The following HORMAD2 variants were observed in gnomAD, a reference collection of about 807,000 sequenced individuals.
HORMAD2 encodes the protein HORMA domain containing 2.
Under a neutral mutation model 38.8 loss-of-function variants are expected in HORMAD2, and 45 were observed. The ratio of observed to expected loss-of-function variants is 1.16; its 90% confidence interval spans 0.91 to 1.49. HORMAD2 has a LOEUF of 1.49. HORMAD2 is among the 40% of genes most tolerant of loss of function. The pLI is 0.00. For missense variants in HORMAD2, 338 were observed against 367.0 expected, an observed-to-expected ratio of 0.92 and a Z score of 0.65; for synonymous variants, 126 against 122.8, an observed-to-expected ratio of 1.03 and a Z score of -0.17.
At chr22:30,149,698 C>T (rs938301730) in intron 10 of HORMAD2, among the ~76,000 whole-genome samples, 5 of 152,152 alleles carry the variant, frequency 3.3e-5, no homozygotes, top group Admixed American at 2.0e-4. Flanking sequence ...TGGTTTCCTC[C>T]CTCATTTTAG....
intron 2 of HORMAD2, 57 bp downstream of exon 2, chr22:30,094,060 T>C: frequency 8.1e-7 from 1 of 1,231,534 alleles, no homozygotes; most frequent in Non-Finnish European, 1.2e-6. Flanking sequence ...AGTTCAGAAT[T>C]ATGATTTTAA....
intron 10 of HORMAD2, among the ~76,000 whole-genome samples, chr22:30,171,932 G>A (rs1038767902): frequency 1.3e-5 from 2 of 152,100 alleles, no homozygotes; most frequent in African/African-American, 4.8e-5. Flanking sequence ...AGGAAGCAAG[G>A]TATGAGAAGC....
chr22:30,101,259 AATAATT>A (rs1334826056), intron 3 of HORMAD2, among the ~76,000 whole-genome samples: 1 of 152,210 alleles, frequency 6.6e-6, no homozygotes, highest in Non-Finnish European at 1.5e-5. Flanking sequence ...ACCCATGAAA[AATAATT>A]AGTTCATGTC....
At chr22:30,121,359 C>T (rs562728208) in intron 8 of HORMAD2, among the ~76,000 whole-genome samples, 3 of 152,232 alleles carry the variant, frequency 2.0e-5, no homozygotes, top group South Asian at 2.1e-4. Flanking sequence ...ATTCCAAATT[C>T]GTTGTTCTTA....
intron 10 of HORMAD2, among the ~76,000 whole-genome samples, chr22:30,163,850 A>T (rs1474327873): frequency 6.6e-6 from 1 of 152,180 alleles, no homozygotes; most frequent in Non-Finnish European, 1.5e-5. Context: ...CAGTGGCATT[A>T]AGTGTATTCA....
chr22:30,090,928 A>G (rs1335208348), intron 1 of HORMAD2, among the ~76,000 whole-genome samples: 1 of 152,188 alleles, frequency 6.6e-6, no homozygotes, highest in Non-Finnish European at 1.5e-5. Flanking sequence ...CTATAGAACA[A>G]TATAATTTAT....
At chr22:30,122,426 A>G (rs771491711) in intron 10 of HORMAD2, among the ~76,000 whole-genome samples, 3 of 152,224 alleles carry the variant, frequency 2.0e-5, no homozygotes, top group Non-Finnish European at 4.4e-5. Context: ...CTAGGAGGAA[A>G]AAGATTTTCT....
At chr22:30,185,259 T>C in the HORMAD2 span, among the ~76,000 whole-genome samples, 1 of 152,310 alleles carries the variant, frequency 6.6e-6, no homozygotes, top group East Asian at 1.9e-4. Context: ...GGACCAGTTC[T>C]CTGGCCCCTC....
chr22:30,147,997 C>T (rs558392866), intron 10 of HORMAD2, among the ~76,000 whole-genome samples: 1 of 151,914 alleles, frequency 6.6e-6, no homozygotes, highest in Admixed American at 6.6e-5. Context: ...AGGTATTTAC[C>T]CAAGGGAAAT....
chr22:30,111,152 C>CG (rs1555943514), intron 5 of HORMAD2, among the ~76,000 whole-genome samples: 4 of 83,064 alleles, frequency 4.8e-5, no homozygotes, highest in African/African-American at 1.1e-4. Context: ...AAGACTCTGT[C>CG]AAAAAAAAAA....
intron 1 of HORMAD2, among the ~76,000 whole-genome samples, chr22:30,087,400 G>C (rs1393039157): frequency 6.6e-6 from 1 of 152,092 alleles, no homozygotes; most frequent in East Asian, 1.9e-4. Context: ...CCTGGGTTGG[G>C]GATATACACA....
chr22:30,149,315 C>T (rs1924608116), intron 10 of HORMAD2, among the ~76,000 whole-genome samples: 1 of 152,158 alleles, frequency 6.6e-6, no homozygotes, highest in African/African-American at 2.4e-5. Flanking sequence ...TAGCCACTAA[C>T]CACATGGCTA....
rs370085646 is a variant in HORMAD2, at chr22:30,084,953, C to T, written c.-38+4462C>T. Among the ~76,000 whole-genome samples the T allele has an allele frequency of 4.7e-3, 717 of 151,834 alleles. 8 individuals are homozygous for T. The highest frequency in any genetic ancestry group is 0.016 in the African/African-American group (678 of 41,432). The stretch of plus-strand genomic sequence containing the variant: ...GAGGTCAGGAGTTCGAGACCATCGT[C>T]GCTAACATGGTGAAACCCCGTCTCT... On this transcript the variant is annotated intron_variant, in intron 1 of 10. Transcript: ENST00000336726.
At chr22:30,183,322 C>A in the HORMAD2 span, among the ~76,000 whole-genome samples, 2 of 152,158 alleles carry the variant, frequency 1.3e-5, no homozygotes, top group African/African-American at 4.8e-5. Context: ...ATTTCTGTCA[C>A]CCCAGAAGTT....
chr22:30,187,783 T>C, the HORMAD2 span, among the ~76,000 whole-genome samples: 1 of 152,042 alleles, frequency 6.6e-6, no homozygotes, highest in Non-Finnish European at 1.5e-5. Context: ...TTAAGCAACC[T>C]GAAAAAAGTG....
the HORMAD2 span, among the ~76,000 whole-genome samples, chr22:30,200,042 G>A: frequency 1.3e-5 from 2 of 151,928 alleles, no homozygotes; most frequent in Non-Finnish European, 1.5e-5. Flanking sequence ...TCAGCCTCCC[G>A]AGTAGCTGGA....
At chr22:30,169,515 T>G (rs1358813358) in intron 10 of HORMAD2, among the ~76,000 whole-genome samples, 1 of 152,216 alleles carries the variant, frequency 6.6e-6, no homozygotes, top group Non-Finnish European at 1.5e-5. Flanking sequence ...TAAGTAGAGA[T>G]AGTCATGGTC....
chr22:30,116,433 T>C (rs6006358), intron 7 of HORMAD2, among the ~76,000 whole-genome samples: 55 of 152,314 alleles, frequency 3.6e-4, no homozygotes, highest in African/African-American at 1.3e-3. Flanking sequence ...TGCAATTTGC[T>C]TTAGAGATAG....
chr22:30,148,965 C>A (rs534431141), intron 10 of HORMAD2, among the ~76,000 whole-genome samples: 1 of 151,916 alleles, frequency 6.6e-6, no homozygotes, highest in African/African-American at 2.4e-5. Context: ...GGTGACAGAG[C>A]GAGACTCCGT....
Sources: gnomAD v4.1 joint callset for allele counts (sites outside exome capture counted in the v4.1 genomes callset) on GRCh38, gnomAD v4.1.1 for gene constraint, MANE v1.5 for transcripts, NCBI Gene and HGNC (gene_info 2026-07-23, HGNC 2026-07-21) for gene names.